MAGI1: variants seen among roughly 807,000 people sequenced by gnomAD.
The protein encoded by MAGI1 is membrane associated guanylate kinase, WW and PDZ domain containing 1.
MAGI1 carries 58 observed loss-of-function variants against 139.9 expected under a neutral mutation model. The observed-to-expected ratio is 0.41, with a 90% confidence interval of 0.34 to 0.52. The LOEUF is 0.52. Among genes scored for constraint, MAGI1 ranks in the 20% least tolerant of loss-of-function variants. The probability of loss-of-function intolerance (pLI) is 0.12; values close to 1 mark genes in which losing one functional copy is unlikely to be tolerated. For synonymous variants in MAGI1, 812 were observed against 737.9 expected, an observed-to-expected ratio of 1.10 and a Z score of -1.63; for missense variants, 1,874 against 1,901.6, an observed-to-expected ratio of 0.99 and a Z score of 0.27.
intron 2 of MAGI1, among the ~76,000 whole-genome samples, chr3:65,510,316 T>C (rs374963227): frequency 1.3e-5 from 2 of 152,196 alleles, no homozygotes; most frequent in South Asian, 2.1e-4. Flanking sequence ...ATGACTTTGA[T>C]GAGCTGAGAG....
chr3:65,937,530 T>C (rs1421168340), intron 1 of MAGI1, among the ~76,000 whole-genome samples: 3 of 152,044 alleles, frequency 2.0e-5, no homozygotes, highest in Admixed American at 6.6e-5. Context: ...TTGTGGATGA[T>C]GGTCTGACCA....
In MAGI1 at chr3:65,589,562, C is replaced by A. The variant is rs572498946; in HGVS notation, c.430+32410G>T. Among the ~76,000 whole-genome samples, 8 of 152,226 alleles carry A rather than the reference C, an allele frequency of 5.3e-5. No homozygotes were observed. In the East Asian group the frequency reaches 7.7e-4, roughly 15 times the overall value. ...GACCGTAGCTTCCTTGTTGACCCCC[C>A]CTGCATTAACTTCATTCCCTAAATC... On this transcript the variant is annotated intron_variant, in intron 2 of 22. Coordinates refer to ENST00000402939, the MANE Select transcript of MAGI1 (RefSeq NM_001033057.2).
At chr3:66,026,240 A>G (rs1455909481) in intron 1 of MAGI1, among the ~76,000 whole-genome samples, 1 of 152,130 alleles carries the variant, frequency 6.6e-6, no homozygotes, top group Non-Finnish European at 1.5e-5. Context: ...TACATAAGCA[A>G]CAGGCGCAAG....
intron 1 of MAGI1, among the ~76,000 whole-genome samples, chr3:65,705,409 T>C (rs2030046736): frequency 6.6e-6 from 1 of 152,198 alleles, no homozygotes; most frequent in African/African-American, 2.4e-5. Context: ...AACAATACAT[T>C]ATCCCTTAAA....
intron 1 of MAGI1, among the ~76,000 whole-genome samples, chr3:65,783,391 G>A (rs954839210): frequency 2.7e-4 from 41 of 152,088 alleles, no homozygotes; most frequent in Admixed American, 6.6e-5. Context: ...GCTCACGCCT[G>A]TAATCCGAAC....
intron 1 of MAGI1, among the ~76,000 whole-genome samples, chr3:65,635,007 T>C (rs2084527090): frequency 6.6e-6 from 1 of 152,110 alleles, no homozygotes; most frequent in African/African-American, 2.4e-5. Context: ...TGAATCCTGG[T>C]GATGGGAGTA....
chr3:65,600,002 T>G (rs1474290237), intron 2 of MAGI1, among the ~76,000 whole-genome samples: 1 of 152,220 alleles, frequency 6.6e-6, no homozygotes, highest in African/African-American at 2.4e-5. Context: ...TTATCAACCA[T>G]GTACATAATA....
At chr3:66,007,159 C>A (rs1298167318) in intron 1 of MAGI1, among the ~76,000 whole-genome samples, 1 of 152,000 alleles carries the variant, frequency 6.6e-6, no homozygotes, top group African/African-American at 2.4e-5. Flanking sequence ...ACATATGTCA[C>A]GTAAAGTCTA....
chr3:65,402,523 G>A (rs1944985022), intron 12 of MAGI1, among the ~76,000 whole-genome samples: 2 of 152,148 alleles, frequency 1.3e-5, no homozygotes, highest in Admixed American at 6.5e-5. Flanking sequence ...TCTTTGGGCA[G>A]GAGTTAGAAT....
At chr3:65,672,163 T>G (rs1052680644) in intron 1 of MAGI1, among the ~76,000 whole-genome samples, 7 of 152,038 alleles carry the variant, frequency 4.6e-5, no homozygotes, top group African/African-American at 1.7e-4. Flanking sequence ...CACTGGGGAG[T>G]GTGCTCCTCT....
At chr3:65,410,336 T>C (rs566684782) in intron 12 of MAGI1, among the ~76,000 whole-genome samples, 1 of 152,334 alleles carries the variant, frequency 6.6e-6, no homozygotes, top group Non-Finnish European at 1.5e-5. Flanking sequence ...AGTACTAATA[T>C]CTTCTCATTC....
intron 7 of MAGI1, 69 bp from the exon 8 acceptor site, chr3:65,442,918 T>C: frequency 8.6e-7 from 1 of 1,167,732 alleles, no homozygotes; most frequent in East Asian, 2.3e-5. Context: ...TTTCAACAAC[T>C]GAGTTAGGCA....
At chr3:65,639,635 T>G (rs1412954170) in intron 1 of MAGI1, among the ~76,000 whole-genome samples, 1 of 152,152 alleles carries the variant, frequency 6.6e-6, no homozygotes, top group Non-Finnish European at 1.5e-5. Flanking sequence ...TTGCCCTCCT[T>G]AGTGTGGGTG....
chr3:65,752,774 A>G (rs901612158), intron 1 of MAGI1, among the ~76,000 whole-genome samples: 10 of 152,138 alleles, frequency 6.6e-5, no homozygotes, highest in Non-Finnish European at 1.0e-4. Context: ...ACTCAGTCAT[A>G]TCCCACCCCG....
At chr3:65,357,403 G>A (rs1940279170) in intron 22 of MAGI1, among the ~76,000 whole-genome samples, 1 of 152,062 alleles carries the variant, frequency 6.6e-6, no homozygotes, top group Non-Finnish European at 1.5e-5. Context: ...AATCAGTCAT[G>A]ATTTGAGTCT....
chr3:65,868,265 TGC>T (rs1459455418), intron 1 of MAGI1, among the ~76,000 whole-genome samples: 1 of 152,194 alleles, frequency 6.6e-6, no homozygotes, highest in Non-Finnish European at 1.5e-5. Context: ...TGATCACCAC[TGC>T]ACAGTAAATA....
chr3:65,877,577 T>G (rs780611123), intron 1 of MAGI1, among the ~76,000 whole-genome samples: 1 of 152,098 alleles, frequency 6.6e-6, no homozygotes, highest in African/African-American at 2.4e-5. Context: ...ATGAAATCAG[T>G]AAGGTAAGAA....
chr3:65,847,202 A>G (rs899925842), intron 1 of MAGI1, among the ~76,000 whole-genome samples: 1 of 152,098 alleles, frequency 6.6e-6, no homozygotes, highest in African/African-American at 2.4e-5. Flanking sequence ...ACAAATCACA[A>G]ATCAGAGACA....
intron 2 of MAGI1, among the ~76,000 whole-genome samples, chr3:65,589,932 T>C (rs80336351): frequency 0.14 from 20,910 of 152,060 alleles, 1,721 homozygotes; most frequent in Middle Eastern, 0.19. Context: ...TTGGCATCTC[T>C]GTGTCCATCC....
Sources: allele counts gnomAD v4.1 joint callset (sites outside exome capture counted in the v4.1 genomes callset), GRCh38; gene constraint gnomAD v4.1.1; transcripts MANE v1.5; gene names NCBI Gene and HGNC (gene_info 2026-07-23, HGNC 2026-07-21).